AOAH: variants seen among roughly 807,000 people sequenced by gnomAD.
AOAH encodes acyloxyacyl hydrolase, also known as acyloxyacyl hydrolase (neutrophil).
In AOAH, 64 loss-of-function variants were observed where a neutral mutation model predicts 92.2. That is an observed-to-expected ratio of 0.69 (90% CI 0.57 to 0.86). The LOEUF is 0.86. Ranked by LOEUF, AOAH falls within the 40% of genes least tolerant of loss-of-function variation. AOAH has a pLI of 0.00. For synonymous variants in AOAH, 263 were observed against 254.5 expected (o/e 1.03, Z -0.32); for missense variants, 656 against 694.6 (o/e 0.94, Z 0.62).
At chr7:36,568,431 C>CCTGGT (rs1787868357) in intron 13 of AOAH, among the ~76,000 whole-genome samples, 3 of 152,206 alleles carry the variant, frequency 2.0e-5, no homozygotes, top group Admixed American at 2.0e-4. Flanking sequence ...CTCTCAACAG[C>CCTGGT]CAGGGCCTGG....
At chr7:36,518,072 G>C (rs1307561736) in intron 20 of AOAH, among the ~76,000 whole-genome samples, 1 of 152,068 alleles carries the variant, frequency 6.6e-6, no homozygotes, top group Non-Finnish European at 1.5e-5. Context: ...GGTAAACAGT[G>C]CCATGAGTTT....
chr7:36,704,303 G>T (rs1295795824), intron 1 of AOAH, among the ~76,000 whole-genome samples: 1 of 152,068 alleles, frequency 6.6e-6, no homozygotes, highest in Non-Finnish European at 1.5e-5. Flanking sequence ...TCTGTAGGTT[G>T]CCTGTTCACT....
chr7:36,719,976 G>A (rs996580329), intron 1 of AOAH, among the ~76,000 whole-genome samples: 1 of 151,788 alleles, frequency 6.6e-6, no homozygotes, highest in Non-Finnish European at 1.5e-5. Flanking sequence ...TTGCTCAGAT[G>A]GGATGATCAG....
chr7:36,577,304 T>A (rs1342466282), intron 12 of AOAH, among the ~76,000 whole-genome samples: 1 of 152,136 alleles, frequency 6.6e-6, no homozygotes, highest in Non-Finnish European at 1.5e-5. Context: ...GAATGGTGAT[T>A]CTGGTTCCTT....
At chr7:36,658,469 C>T (rs11982611) in intron 4 of AOAH, among the ~76,000 whole-genome samples, 2 of 151,996 alleles carry the variant, frequency 1.3e-5, no homozygotes, top group Non-Finnish European at 1.5e-5. Flanking sequence ...CCAGAGTGTG[C>T]GGAGGGAATT....
chr7:36,611,426 A>C (rs182594857), intron 11 of AOAH, among the ~76,000 whole-genome samples: 1 of 152,350 alleles, frequency 6.6e-6, no homozygotes, highest in East Asian at 1.9e-4. Flanking sequence ...AATACCAACA[A>C]ATGCTGTTCG....
At chr7:36,673,434 G>C (rs1168366181) in intron 3 of AOAH, among the ~76,000 whole-genome samples, 2 of 152,130 alleles carry the variant, frequency 1.3e-5, no homozygotes, top group African/African-American at 4.8e-5. Flanking sequence ...CAGCCTCTTA[G>C]GCTAAGGCAG....
At chr7:36,531,840 G>A (rs1056144013) in intron 18 of AOAH, among the ~76,000 whole-genome samples, 1 of 45,720 alleles carries the variant, frequency 2.2e-5, no homozygotes, top group African/African-American at 5.5e-5. Flanking sequence ...AGCTTTAAGA[G>A]GTTGTGTGTG....
chr7:36,678,932 T>C (rs1279658981), intron 2 of AOAH, among the ~76,000 whole-genome samples: 3 of 152,196 alleles, frequency 2.0e-5, no homozygotes, highest in African/African-American at 7.2e-5. Flanking sequence ...GTAGCTTAGC[T>C]AAAGTAAAAA....
intron 11 of AOAH, among the ~76,000 whole-genome samples, chr7:36,608,407 C>T (rs1368156075): frequency 6.6e-6 from 1 of 152,188 alleles, no homozygotes; most frequent in Non-Finnish European, 1.5e-5. Flanking sequence ...GACATGGTCT[C>T]ATCTTTCACT....
At chr7:36,650,365 A>C (rs1794503511) in intron 4 of AOAH, among the ~76,000 whole-genome samples, 2 of 152,190 alleles carry the variant, frequency 1.3e-5, no homozygotes, top group Non-Finnish European at 2.9e-5. Flanking sequence ...ATCAATCAGA[A>C]AAGGGGTAGA....
intron 16 of AOAH, 62 bp from the exon 17 acceptor site, chr7:36,532,406 C>T: frequency 2.0e-6 from 3 of 1,505,068 alleles, no homozygotes; most frequent in Non-Finnish European, 2.8e-6. Context: ...TTAGAGGCAC[C>T]TGGGGGCTTC....
intron 19 of AOAH, 55 bp downstream of exon 19, chr7:36,530,363 C>T (rs563314609): frequency 1.2e-4 from 152 of 1,295,198 alleles, no homozygotes; most frequent in Non-Finnish European, 1.6e-4. Context: ...GTTGCCCAGG[C>T]CCTAAACTAG....
At chr7:36,662,533 A>T (rs763790515) in intron 3 of AOAH, among the ~76,000 whole-genome samples, 4 of 152,142 alleles carry the variant, frequency 2.6e-5, no homozygotes, top group Non-Finnish European at 5.9e-5. Context: ...TTCTCAACTT[A>T]ATTGTTCATT....
chr7:36,690,573 C>T (rs1032504190), intron 1 of AOAH, among the ~76,000 whole-genome samples: 6 of 152,282 alleles, frequency 3.9e-5, no homozygotes, highest in East Asian at 1.9e-4. Context: ...GAGAGATGCA[C>T]GGGCAGAGTA....
chr7:36,559,375 C>G (rs566750179), intron 13 of AOAH, among the ~76,000 whole-genome samples: 1 of 152,176 alleles, frequency 6.6e-6, no homozygotes, highest in African/African-American at 2.4e-5. Flanking sequence ...TAGCGTATAA[C>G]CATTCCTTTT....
intron 16 of AOAH, among the ~76,000 whole-genome samples, chr7:36,535,003 T>G (rs575800872): frequency 2.6e-5 from 3 of 117,190 alleles, no homozygotes; most frequent in African/African-American, 1.0e-4. Context: ...TCTGCTTGTG[T>G]GTATCTGTGT....
rs1000070682 is a variant in AOAH, at chr7:36,558,972, GCTGCACCCACTGTC to G, written c.1022-9511_1022-9498del. Among the ~76,000 whole-genome samples the G allele has an allele frequency of 2.6e-4, 40 of 152,342 alleles. No homozygotes were observed. In the East Asian group the frequency reaches 2.7e-3, roughly 10 times the overall value. ...CCCTGTTTTGGCTCGCACATGGTGC[GCTGCACCCACTGTC>G]CTGCACCCACTGTCTGGCACTCCCT... On this transcript the variant is annotated intron_variant, in intron 13 of 20. Transcript: ENST00000617537.
intron 1 of AOAH, among the ~76,000 whole-genome samples, chr7:36,689,110 G>T (rs779835439): frequency 2.6e-5 from 4 of 152,136 alleles, no homozygotes; most frequent in Non-Finnish European, 5.9e-5. Flanking sequence ...ACCTTTAGTT[G>T]CTTCCCAGCT....
Sources: allele counts gnomAD v4.1 joint callset (sites outside exome capture counted in the v4.1 genomes callset), GRCh38; gene constraint gnomAD v4.1.1; transcripts MANE v1.5; gene names NCBI Gene and HGNC (gene_info 2026-07-23, HGNC 2026-07-21).